The following NBEAL1 variants were observed in gnomAD, a reference collection of about 807,000 sequenced individuals.
NBEAL1 encodes the protein neurobeachin-like protein 1.
A neutral mutation model predicts 351.3 loss-of-function variants in NBEAL1; 273 were observed. The ratio of observed to expected loss-of-function variants is 0.78; its 90% CI spans 0.70 to 0.86. The LOEUF is 0.86. NBEAL1 is among the 40% of genes least tolerant of loss of function. The pLI is 0.00. For missense variants in NBEAL1, 2,961 were observed against 3,201.3 expected (o/e 0.92, Z 1.81); for synonymous variants, 1,050 against 1,086.4 (o/e 0.97, Z 0.66).
intron 45 of NBEAL1, among the ~76,000 whole-genome samples, chr2:203,189,474 C>A (rs1205448255): frequency 2.0e-5 from 3 of 152,268 alleles, no homozygotes; most frequent in Non-Finnish European, 4.4e-5. Flanking sequence ...CAACCTGGAA[C>A]TCCTGGGGTC....
rs760111191 is a variant in NBEAL1 at position 203,160,500 on chromosome 2, GT to G, written c.5714+2680del. Among the ~76,000 whole-genome samples, 70 of 152,170 alleles carry G rather than the reference GT, an allele frequency of 4.6e-4. 2 individuals are homozygous for G. The highest frequency in any genetic ancestry group is 4.9e-4 in the Non-Finnish European group (33 of 67,988). ...CATAGTTTCCTTTTGTTCTTTTGAT[GT>G]TTTTATGATAGCTACTTTGAAGCCA... On this transcript the variant is annotated intron_variant, in intron 36 of 55. Coordinates refer to ENST00000683969, the MANE Select transcript of NBEAL1 (RefSeq NM_001378026.1).
At chr2:203,106,285 A>G (rs190101235) in intron 12 of NBEAL1, among the ~76,000 whole-genome samples, 92 of 152,340 alleles carry the variant, frequency 6.0e-4, no homozygotes, top group Non-Finnish European at 2.2e-4. Flanking sequence ...TCCTGGTACC[A>G]GAAGTGAATT....
At chr2:203,029,921 G>A (rs1244014168) in intron 2 of NBEAL1, among the ~76,000 whole-genome samples, 1 of 152,026 alleles carries the variant, frequency 6.6e-6, no homozygotes, top group Non-Finnish European at 1.5e-5. Context: ...TCATCTGAGG[G>A]CATGCTTTTC....
intron 36 of NBEAL1, among the ~76,000 whole-genome samples, chr2:203,161,199 T>C (rs1190924485): frequency 2.7e-5 from 4 of 150,750 alleles, no homozygotes; most frequent in African/African-American, 9.8e-5. Context: ...TGGTGGCAGG[T>C]GTCTGTAGTC....
At chr2:203,190,643 A>C in intron 46 of NBEAL1, 1 of 397,992 alleles carries the variant, frequency 2.5e-6, no homozygotes, top group Non-Finnish European at 3.4e-6. Context: ...ATCTGCCCAA[A>C]AAGGCACTTG....
chr2:203,184,531 T>C (rs906300660), intron 44 of NBEAL1, among the ~76,000 whole-genome samples: 2 of 152,152 alleles, frequency 1.3e-5, no homozygotes, highest in African/African-American at 4.8e-5. Context: ...ATTGTGTTGC[T>C]ATCTTGCAGA....
At chr2:203,066,824 C>T (rs1193586866) in intron 6 of NBEAL1, among the ~76,000 whole-genome samples, 2 of 137,900 alleles carry the variant, frequency 1.5e-5, no homozygotes, top group Non-Finnish European at 3.1e-5. Context: ...GGGGTGGTTG[C>T]CGGGCAGAGG....
chr2:203,205,085 G>A (rs1164562855), intron 51 of NBEAL1, among the ~76,000 whole-genome samples: 1 of 152,100 alleles, frequency 6.6e-6, no homozygotes, highest in African/African-American at 2.4e-5. Flanking sequence ...TGATGAAAAT[G>A]TCTTCCCAAT....
chr2:203,194,057 T>G (rs968555398), intron 47 of NBEAL1, 146 bp downstream of exon 47: 30 of 440,376 alleles, frequency 6.8e-5, no homozygotes, highest in African/African-American at 5.5e-4. Context: ...GTTGGATTTT[T>G]AAAACATTTT....
At chr2:203,206,269 T>C (rs971419000) in intron 51 of NBEAL1, among the ~76,000 whole-genome samples, 3 of 152,250 alleles carry the variant, frequency 2.0e-5, no homozygotes, top group Non-Finnish European at 4.4e-5. Context: ...ATATACCTAC[T>C]GTGTACCACA....
intron 6 of NBEAL1, among the ~76,000 whole-genome samples, chr2:203,064,390 A>C (rs977400108): frequency 1.3e-5 from 2 of 152,166 alleles, no homozygotes; most frequent in Non-Finnish European, 2.9e-5. Flanking sequence ...ACGATTACTT[A>C]TTACTTGTAA....
chr2:203,018,658 A>G (rs1454276414), intron 2 of NBEAL1, among the ~76,000 whole-genome samples: 1 of 151,992 alleles, frequency 6.6e-6, no homozygotes, highest in African/African-American at 2.4e-5. Context: ...TATTGTGGAA[A>G]TTCTCAAGCA....
At position 203,112,055 on chromosome 2, in the gene NBEAL1, A is replaced by G. The variant is rs1050120790; in HGVS notation, c.2159A>G (p.Gln720Arg). The stretch of plus-strand genomic sequence containing the variant: ...TTCGTCTATATCTATGACAATGGAC[A>G]ACAGAAGGTTTCTGCCCCTCTCAGA... ...QSFVYIYDNG[Q>R]QKVSAPLRFP... Residue 720 changes from glutamine (Q) to arginine (R), a missense_variant, in exon 16 of 56, where the codon CAA (glutamine) becomes CGA (arginine). Transcript: ENST00000683969. 1.3e-6 allele frequency: 2 copies of G among 1,552,584 alleles called. No homozygotes were observed. Among genetic ancestry groups the G allele is most frequent in the Non-Finnish European group, 1.7e-6 (2 of 1,147,230 alleles).
chr2:203,055,903 A>G (rs2106090527), intron 4 of NBEAL1, among the ~76,000 whole-genome samples: 1 of 152,352 alleles, frequency 6.6e-6, no homozygotes, highest in Non-Finnish European at 1.5e-5. Flanking sequence ...GTAAGTAAAG[A>G]TGCTGTTAGC....
At chr2:203,039,028 A>G (rs1248535226) in intron 2 of NBEAL1, among the ~76,000 whole-genome samples, 2 of 148,302 alleles carry the variant, frequency 1.3e-5, no homozygotes, top group Non-Finnish European at 3.0e-5. Context: ...TTAAATTTTG[A>G]TTAATACCAG....
chr2:203,065,538 G>T (rs989407448), intron 6 of NBEAL1, among the ~76,000 whole-genome samples: 1 of 152,132 alleles, frequency 6.6e-6, no homozygotes, highest in Non-Finnish European at 1.5e-5. Flanking sequence ...GGATCACAAG[G>T]TCAGGAGATT....
intron 3 of NBEAL1, among the ~76,000 whole-genome samples, chr2:203,045,226 G>A (rs912074103): frequency 2.0e-5 from 3 of 152,034 alleles, no homozygotes; most frequent in Admixed American, 6.6e-5. Flanking sequence ...CCAAGAACAA[G>A]GAAATACTCT....
rs1364705903 is a variant in NBEAL1, at chr2:203,219,060, C to G, written c.*1706C>G. 6.6e-6 allele frequency: 1 copy of G among 152,026 alleles called. No homozygotes were observed. The highest frequency in any genetic ancestry group is 1.5e-5 in the Non-Finnish European group (1 of 68,004). 9.4% of individuals were successfully genotyped at this position (152,026 alleles called of 1,614,324 possible). ...TATGATGCATAAATGAGACTGGCAT[C>G]TATTCATTTATTTTATTCTTTTTTG... On this transcript the variant is annotated 3_prime_UTR_variant, in exon 56 of 56. Transcript: ENST00000683969.
At chr2:203,174,216 C>CAAAAAAAAAAAAAAAAAAAAAAA (rs10652390) in intron 41 of NBEAL1, among the ~76,000 whole-genome samples, 2 of 24,594 alleles carry the variant, frequency 8.1e-5, no homozygotes, top group Non-Finnish European at 1.7e-4. Context: ...TTTATACTAG[C>CAAAAAAAAAAAAAAAAAAAAAAA]AAAAAAAAAA....
Sources: gnomAD v4.1 joint callset for allele counts (sites outside exome capture counted in the v4.1 genomes callset) on GRCh38, gnomAD v4.1.1 for gene constraint, MANE v1.5 for transcripts, NCBI Gene and HGNC (gene_info 2026-07-23, HGNC 2026-07-21) for gene names.